RYR2: variants seen among roughly 807,000 people sequenced by gnomAD.
The protein encoded by RYR2 is ryanodine receptor 2, also known as cardiac muscle ryanodine receptor-calcium release channel.
RYR2 carries 227 observed loss-of-function variants against 601.1 expected under a neutral mutation model. The observed-to-expected ratio is 0.38, with a 90% CI of 0.34 to 0.42. The LOEUF (loss-of-function observed/expected upper bound fraction) is 0.42, where lower values mean the gene tolerates loss of function less well. Ranked by LOEUF, RYR2 falls within the 10% of genes least tolerant of loss-of-function variation. RYR2 has a pLI of 1.00. For missense variants in RYR2, 4,646 were observed against 6,156.5 expected, an observed-to-expected ratio of 0.75 and a Z score of 8.21; for synonymous variants, 2,223 against 2,175.1, an observed-to-expected ratio of 1.02 and a Z score of -0.61.
intron 49 of RYR2, among the ~76,000 whole-genome samples, chr1:237,649,353 C>A (rs544960566): frequency 6.6e-6 from 1 of 151,990 alleles, no homozygotes; most frequent in South Asian, 2.1e-4. Flanking sequence ...TTTCTTTTTT[C>A]TTTGTTTTGT....
At chr1:237,634,546 G>A (rs1207770697) in intron 43 of RYR2, among the ~76,000 whole-genome samples, 2 of 152,154 alleles carry the variant, frequency 1.3e-5, no homozygotes, top group African/African-American at 4.8e-5. Context: ...ACAGCATGGT[G>A]ACTATAGTTA....
At chr1:237,591,166 TTCTCCTCCTCCCCCTTCTCCTCCTCCCC>T (rs1675143298) in intron 31 of RYR2, among the ~76,000 whole-genome samples, 174 bp downstream of exon 31, 1 of 3,324 alleles carries the variant, frequency 3.0e-4, no homozygotes, top group Non-Finnish European at 1.6e-3. Context: ...CTCTTCCCCC[TTCTCCTCCTCCCCCTTCTCCTCCTCCCC>T]CTTCTCCTCC....
At chr1:237,486,479 T>C (rs930421991) in intron 17 of RYR2, among the ~76,000 whole-genome samples, 2 of 152,186 alleles carry the variant, frequency 1.3e-5, no homozygotes, top group Admixed American at 6.5e-5. Context: ...TATTCCAAAC[T>C]TATGGAATGA....
Position 237,318,670 on chromosome 1 carries a change from C to T in RYR2, c.169-12208C>T, listed in dbSNP as rs138505039. 4.6e-3 allele frequency among the ~76,000 whole-genome samples: 695 copies of T among 152,198 alleles called. 9 individuals carry two copies. Among genetic ancestry groups the T allele is most frequent in the Non-Finnish European group, 6.6e-3 (448 of 67,990 alleles). On this transcript the variant is annotated intron_variant, in intron 2 of 104. Transcript: ENST00000366574. ...CTCTTTTGTCAGATGAAAAGTCAGC[C>T]ATTAATCATATATCCATTTGATGGG...
chr1:237,770,985 C>A, intron 85 of RYR2, 98 bp downstream of exon 85: 1 of 637,142 alleles, frequency 1.6e-6, no homozygotes, highest in Non-Finnish European at 2.6e-6. Flanking sequence ...ATGCATCGTT[C>A]TAGAGACAAC....
Position 237,530,418 on chromosome 1 carries a change from G to A in RYR2, c.2823-9G>A. On this transcript the variant is annotated splice_polypyrimidine_tract_variant and intron_variant, in intron 24 of 104. Coordinates refer to ENST00000366574, the MANE Select transcript of RYR2 (RefSeq NM_001035.3). The stretch of plus-strand genomic sequence containing the variant: ...AATGATCACACTTATCTCTGGTTTT[G>A]TTTTCCAGGACTTTGTTGGCATTAG... 3.1e-6 allele frequency: 5 copies of A among 1,597,558 alleles called. No homozygotes were observed. Among genetic ancestry groups the A allele is most frequent in the African/African-American group, 1.3e-5 (1 of 74,786 alleles).
intron 1 of RYR2, among the ~76,000 whole-genome samples, chr1:237,266,975 T>C (rs1243517229): frequency 1.3e-5 from 2 of 152,208 alleles, no homozygotes; most frequent in Non-Finnish European, 1.5e-5. Context: ...CATCATACAA[T>C]GTTAAGGGAC....
chr1:237,211,251 A>C (rs1267979909), intron 1 of RYR2, among the ~76,000 whole-genome samples: 1 of 152,172 alleles, frequency 6.6e-6, no homozygotes, highest in Non-Finnish European at 1.5e-5. Flanking sequence ...CATGGCACTG[A>C]CTCAGGAAGC....
chr1:237,612,054 TG>T (rs1442430209), intron 36 of RYR2, among the ~76,000 whole-genome samples: 10 of 152,060 alleles, frequency 6.6e-5, no homozygotes, highest in East Asian at 3.9e-4. Flanking sequence ...ATAAACAAAA[TG>T]TGATATATCC....
chr1:237,697,469 A>C (rs1687588340), intron 63 of RYR2, among the ~76,000 whole-genome samples: 1 of 144,086 alleles, frequency 6.9e-6, no homozygotes, highest in Non-Finnish European at 1.5e-5. Context: ...TATATGATAT[A>C]TAATATATTT....
At chr1:237,547,734 A>C (rs555715605) in intron 25 of RYR2, among the ~76,000 whole-genome samples, 2 of 152,356 alleles carry the variant, frequency 1.3e-5, no homozygotes, top group African/African-American at 4.8e-5. Flanking sequence ...TCTTCCAACG[A>C]TTACAACTTA....
At position 237,611,023 on chromosome 1, in the gene RYR2, G is replaced by A. The variant is rs551328570; in HGVS notation, c.4910+35G>A. 2.5e-6 allele frequency: 4 copies of A among 1,576,608 alleles called. No individual in the cohort carries two copies. The African/African-American group carries it at 4.0e-5, about 16-fold the overall frequency. On this transcript the variant is annotated intron_variant, in intron 36 of 104. Transcript: ENST00000366574. ...AGTGAATCCCTGACATTCTGATTGG[G>A]ACGCTTGGGATTAGCCTGCTGCCCG...
chr1:237,315,524 GTGT>G (rs1695025772), intron 2 of RYR2, among the ~76,000 whole-genome samples: 1 of 152,066 alleles, frequency 6.6e-6, no homozygotes, highest in African/African-American at 2.4e-5. Context: ...GAGATGATAA[GTGT>G]TGTCCTTTCA....
At chr1:237,176,117 G>T (rs1480129396) in intron 1 of RYR2, among the ~76,000 whole-genome samples, 2 of 151,578 alleles carry the variant, frequency 1.3e-5, no homozygotes, top group African/African-American at 4.8e-5. Flanking sequence ...AGTCCCAGTT[G>T]TTTGGGAGGC....
chr1:237,581,900 G>T (rs1673956123), intron 29 of RYR2, among the ~76,000 whole-genome samples: 1 of 152,140 alleles, frequency 6.6e-6, no homozygotes. Context: ...AGGAATCCAA[G>T]TACAACCCAA....
chr1:237,731,608 T>G (rs1690684900), intron 77 of RYR2, among the ~76,000 whole-genome samples: 1 of 152,124 alleles, frequency 6.6e-6, no homozygotes, highest in Admixed American at 6.6e-5. Flanking sequence ...GCAAATATAC[T>G]TTGAGTTATG....
At chr1:237,587,028 T>C (rs1355344915) in intron 29 of RYR2, among the ~76,000 whole-genome samples, 1 of 152,216 alleles carries the variant, frequency 6.6e-6, no homozygotes, top group Non-Finnish European at 1.5e-5. Context: ...ATAACTTCTT[T>C]ACTTTTCTTT....
At chr1:237,344,405 C>A (rs1698114283) in intron 3 of RYR2, among the ~76,000 whole-genome samples, 1 of 152,174 alleles carries the variant, frequency 6.6e-6, no homozygotes, top group South Asian at 2.1e-4. Context: ...CCAATTAGTT[C>A]TTTATACTAT....
chr1:237,095,176 G>A (rs1212870071), intron 1 of RYR2, among the ~76,000 whole-genome samples: 1 of 152,172 alleles, frequency 6.6e-6, no homozygotes, highest in Non-Finnish European at 1.5e-5. Context: ...GACAACAAAG[G>A]GCAGAGGGCA....
Sources: allele counts gnomAD v4.1 joint callset (sites outside exome capture counted in the v4.1 genomes callset), GRCh38; gene constraint gnomAD v4.1.1; transcripts MANE v1.5; gene names NCBI Gene and HGNC (gene_info 2026-07-23, HGNC 2026-07-21).